BANF2: variants seen among roughly 807,000 people sequenced by gnomAD.
BANF2 encodes the protein barrier-to-autointegration factor-like protein.
BANF2 carries 4 observed loss-of-function variants against 8.0 expected under a neutral mutation model. That is an observed-to-expected ratio of 0.50 (90% CI 0.25 to 1.14). The LOEUF (loss-of-function observed/expected upper bound fraction) is 1.14. Among genes scored for constraint, BANF2 ranks in the 50% most tolerant of loss-of-function variants. The pLI, the probability that BANF2 is intolerant of heterozygous loss-of-function variation, is 0.16. For missense variants in BANF2, 96 were observed against 107.5 expected, an observed-to-expected ratio of 0.89 and a Z score of 0.47; for synonymous variants, 50 against 40.6, an observed-to-expected ratio of 1.23 and a Z score of -0.88.
chr20:17,729,277 C>T (rs966659825), intron 3 of BANF2, among the ~76,000 whole-genome samples: 5 of 152,220 alleles, frequency 3.3e-5, no homozygotes, highest in African/African-American at 1.2e-4. Flanking sequence ...GAACCACCCT[C>T]CTGCCAACTT....
upstream of BANF2, among the ~76,000 whole-genome samples, chr20:17,698,631 G>C (rs1010424792): frequency 6.6e-6 from 1 of 152,168 alleles, no homozygotes; most frequent in African/African-American, 2.4e-5. Context: ...TTGTAGGCAG[G>C]GTGGACTCCA....
chr20:17,727,157 T>G (rs892341126), intron 3 of BANF2, among the ~76,000 whole-genome samples: 1 of 152,216 alleles, frequency 6.6e-6, no homozygotes, highest in African/African-American at 2.4e-5. Flanking sequence ...AAAACTTGCC[T>G]GTCGAGTCAG....
At chr20:17,713,857 A>C (rs2037611940) in intron 1 of BANF2, among the ~76,000 whole-genome samples, 1 of 151,904 alleles carries the variant, frequency 6.6e-6, no homozygotes, top group African/African-American at 2.4e-5. Context: ...TAAATAAATA[A>C]ATAAATAAAT....
upstream of BANF2, among the ~76,000 whole-genome samples, chr20:17,695,296 A>T (rs945955414): frequency 9.9e-5 from 15 of 150,964 alleles, no homozygotes; most frequent in Admixed American, 2.6e-4. Flanking sequence ...AACAATAATT[A>T]AAAAAAAATT....
intron 3 of BANF2, among the ~76,000 whole-genome samples, chr20:17,727,291 T>C (rs1257791305): frequency 6.6e-6 from 1 of 152,138 alleles, no homozygotes; most frequent in East Asian, 1.9e-4. Context: ...GCACTGGCAC[T>C]GGGGCTGTCA....
intron 3 of BANF2, chr20:17,731,161 G>A (rs1288516347): frequency 2.6e-5 from 4 of 152,374 alleles, no homozygotes; most frequent in African/African-American, 9.6e-5. Flanking sequence ...TACTTGGGAG[G>A]CTGAGGCAGG....
intron 1 of BANF2, among the ~76,000 whole-genome samples, chr20:17,718,769 T>A (rs1395214018): frequency 1.3e-5 from 2 of 152,258 alleles, no homozygotes; most frequent in Admixed American, 6.5e-5. Context: ...GATTAAATTC[T>A]ACTGATTCCT....
At chr20:17,730,957 C>A (rs2037885597) in intron 3 of BANF2, among the ~76,000 whole-genome samples, 1 of 152,198 alleles carries the variant, frequency 6.6e-6, no homozygotes, top group African/African-American at 2.4e-5. Context: ...GGTAAACATT[C>A]CCTGAAGTGA....
At chr20:17,731,759 GAAAAAAA>G (rs58645809) in intron 3 of BANF2, among the ~76,000 whole-genome samples, 1 of 95,034 alleles carries the variant, frequency 1.1e-5, no homozygotes, top group Admixed American at 1.3e-4. Context: ...CGTCTCTTAG[GAAAAAAA>G]AAAAAAAAAA....
chr20:17,707,467 A>G (rs2122581865), intron 1 of BANF2, among the ~76,000 whole-genome samples: 1 of 152,270 alleles, frequency 6.6e-6, no homozygotes. Context: ...GAAGTACAGC[A>G]GAGGCAAGAA....
At chr20:17,701,290 C>T (rs77460733) in intron 1 of BANF2, among the ~76,000 whole-genome samples, 1,633 of 152,298 alleles carry the variant, frequency 0.011, 34 homozygotes, top group African/African-American at 0.037. Flanking sequence ...AGGGAGCAAA[C>T]GCTGAACCTC....
chr20:17,700,131 C>A, intron 1 of BANF2, 76 bp downstream of exon 1: 1 of 537,378 alleles, frequency 1.9e-6, no homozygotes, highest in Non-Finnish European at 2.4e-6. Context: ...ACTTTAAGGT[C>A]TCATTCTCAC....
chr20:17,709,102 T>C (rs934568401), intron 1 of BANF2, among the ~76,000 whole-genome samples: 3 of 152,236 alleles, frequency 2.0e-5, no homozygotes, highest in South Asian at 2.1e-4. Context: ...ATCAAACAGA[T>C]AGAACTCTTG....
In BANF2 at chr20:17,722,891, A is replaced by T. The variant is rs979123945; in HGVS notation, c.-4+13A>T. The T allele has an allele frequency of 2.0e-6, 2 of 983,542 alleles. No homozygotes were observed. Among genetic ancestry groups the T allele is most frequent in the Non-Finnish European group, 2.4e-6 (2 of 828,304 alleles). 60.9% of individuals were successfully genotyped at this position (983,542 alleles called of 1,614,324 possible). A position where few individuals can be genotyped will look rare whatever the true frequency, so the allele number is the denominator to read the frequency against. Reference sequence around the variant, plus strand: ...ACTCTGTAGAAAGGTCTGGAGGAGGATGGGGACAGGAGAGGGGATGGGGCT... The same window carrying T: ...ACTCTGTAGAAAGGTCTGGAGGAGGTTGGGGACAGGAGAGGGGATGGGGCT... On this transcript the variant is annotated intron_variant, in intron 2 of 3. Transcript: ENST00000246090.
At chr20:17,728,969 A>C (rs1483038707) in intron 3 of BANF2, among the ~76,000 whole-genome samples, 1 of 152,252 alleles carries the variant, frequency 6.6e-6, no homozygotes, top group African/African-American at 2.4e-5. Flanking sequence ...AAATGATAAT[A>C]TTTTGGAAAT....
chr20:17,734,190 A>G (rs1042049055), intron 3 of BANF2, among the ~76,000 whole-genome samples: 21 of 152,244 alleles, frequency 1.4e-4, no homozygotes, highest in African/African-American at 5.1e-4. Context: ...ATGAATTAAA[A>G]GCCTCGAGGC....
At position 17,702,971 on chromosome 20, in the gene BANF2, G is replaced by A. The variant is rs146610357; in HGVS notation, c.-167+2916G>A. 2.6e-4 allele frequency among the ~76,000 whole-genome samples: 39 copies of A among 152,282 alleles called. No individual in the cohort carries two copies. The East Asian group carries it at 5.8e-3, about 23-fold the overall frequency. On this transcript the variant is annotated intron_variant, in intron 1 of 3. Transcript: ENST00000246090. ...GGTGGCTGGTGGCGGTGTGCTAGAC[G>A]CTGCTGCTCTGGGCCCTGCTGACTT...
intron 1 of BANF2, among the ~76,000 whole-genome samples, chr20:17,700,891 A>G (rs1489615243): frequency 6.6e-6 from 1 of 152,152 alleles, no homozygotes. Context: ...TCTACGGTCC[A>G]TTCACCATCT....
At chr20:17,712,500 T>G (rs1185146293) in intron 1 of BANF2, 4 of 981,712 alleles carry the variant, frequency 4.1e-6, no homozygotes, top group African/African-American at 3.5e-5. Flanking sequence ...CTCTACCCAC[T>G]GGAATCTAAA....
Sources: gnomAD v4.1 joint callset for allele counts (sites outside exome capture counted in the v4.1 genomes callset) on GRCh38, gnomAD v4.1.1 for gene constraint, MANE v1.5 for transcripts, NCBI Gene and HGNC (gene_info 2026-07-23, HGNC 2026-07-21) for gene names.